The following KIAA1671 variants were observed in gnomAD, a reference collection of about 807,000 sequenced individuals.
The protein encoded by KIAA1671 is KIAA1671.
Under a neutral mutation model 131.2 loss-of-function variants are expected in KIAA1671, and 52 were observed. That is an observed-to-expected ratio of 0.40 (90% CI 0.32 to 0.50). The LOEUF (loss-of-function observed/expected upper bound fraction) is 0.50. KIAA1671 is among the 20% of genes least tolerant of loss of function. The pLI is 0.73. For synonymous variants in KIAA1671, 1,003 were observed against 961.6 expected, an observed-to-expected ratio of 1.04 and a Z score of -0.80; for missense variants, 2,360 against 2,364.2, an observed-to-expected ratio of 1.00 and a Z score of 0.04.
At chr22:24,964,447 G>C (rs778652396) in intron 1 of KIAA1671, among the ~76,000 whole-genome samples, 2 of 151,644 alleles carry the variant, frequency 1.3e-5, no homozygotes, top group African/African-American at 2.4e-5. Flanking sequence ...TGTTATTTTT[G>C]GTATTGTTCT....
At chr22:25,184,389 G>A (rs1378308893) in intron 10 of KIAA1671, among the ~76,000 whole-genome samples, 1 of 152,174 alleles carries the variant, frequency 6.6e-6, no homozygotes, top group Non-Finnish European at 1.5e-5. Context: ...AGCTATCAGT[G>A]GACAATGGTA....
intron 1 of KIAA1671, among the ~76,000 whole-genome samples, chr22:25,000,250 G>A (rs1480258305): frequency 3.1e-5 from 2 of 64,542 alleles, no homozygotes; most frequent in Non-Finnish European, 6.0e-5. Context: ...CTGGAGTGCA[G>A]TGGCGGGATC....
chr22:24,976,743 C>G (rs1047891635), intron 1 of KIAA1671, among the ~76,000 whole-genome samples: 5 of 152,144 alleles, frequency 3.3e-5, no homozygotes, highest in African/African-American at 1.2e-4. Flanking sequence ...GGACCTACCT[C>G]TGGCTGGGCC....
chr22:25,078,610 A>C (rs1004990865), intron 6 of KIAA1671, among the ~76,000 whole-genome samples: 7 of 152,156 alleles, frequency 4.6e-5, no homozygotes, highest in Non-Finnish European at 1.0e-4. Flanking sequence ...TTGTGGGGAC[A>C]AATGGCCTTA....
chr22:25,039,933 C>G lies in KIAA1671; in HGVS notation c.2803C>G (p.Arg935Gly), dbSNP rs931013212. 2 of 1,551,302 alleles carry G rather than the reference C, an allele frequency of 1.3e-6. No individual in the cohort carries two copies. Among genetic ancestry groups the G allele is most frequent in the Non-Finnish European group, 1.7e-6 (2 of 1,146,928 alleles). The change falls in exon 5 of 13, where the codon CGG (arginine) becomes GGG (glycine). Residue 935 changes from arginine (R) to glycine (G), a missense_variant. Coordinates refer to ENST00000358431, the MANE Select transcript of KIAA1671 (RefSeq NM_001145206.2). ...AQVPQPAVRM[R>G]KAGAMDQRMD... ...GGTGCCACAGCCTGCAGTCAGAATG[C>G]GGAAAGCCGGCGCCATGGACCAGAG...
Position 25,140,594 on chromosome 22 carries a change from A to C in KIAA1671, c.4531-30226A>C, listed in dbSNP as rs537644639. Among the ~76,000 whole-genome samples the C allele has an allele frequency of 2.6e-4, 39 of 152,168 alleles. 2 individuals are homozygous for C. In the South Asian group the frequency reaches 7.9e-3, roughly 31 times the overall value. On this transcript the variant is annotated intron_variant, in intron 6 of 12. Coordinates refer to ENST00000358431, the MANE Select transcript of KIAA1671 (RefSeq NM_001145206.2). Reference sequence around the variant, plus strand: ...ATGGGTTCTGCCTGCACCCAAGGGGAGGGGCTCACACAGGGCGTGAACACC... The same window carrying C: ...ATGGGTTCTGCCTGCACCCAAGGGGCGGGGCTCACACAGGGCGTGAACACC...
chr22:24,980,088 C>A (rs2123827922), intron 1 of KIAA1671, among the ~76,000 whole-genome samples: 1 of 152,040 alleles, frequency 6.6e-6, no homozygotes, highest in Admixed American at 6.5e-5. Context: ...CCTCAGCCTC[C>A]TGAATAGCTG....
At chr22:25,014,765 TG>T (rs1925217106) in intron 1 of KIAA1671, 1 of 152,146 alleles carries the variant, frequency 6.6e-6, no homozygotes, top group South Asian at 2.1e-4. Flanking sequence ...GTCGTTATCA[TG>T]TGGAACGCCT....
At chr22:25,130,894 A>G (rs1391205766) in intron 6 of KIAA1671, among the ~76,000 whole-genome samples, 5 of 152,130 alleles carry the variant, frequency 3.3e-5, no homozygotes, top group African/African-American at 1.2e-4. Context: ...CCAGGGCCCC[A>G]CCTCCCATAA....
intron 6 of KIAA1671, chr22:25,112,240 C>T: frequency 2.5e-6 from 1 of 399,004 alleles, no homozygotes; most frequent in African/African-American, 2.1e-5. Context: ...GGATGGGCAC[C>T]GTGAGGAGGT....
At position 24,967,027 on chromosome 22, in the gene KIAA1671, G is replaced by GTGC. The variant is rs568238615; in HGVS notation, c.-208+14258_-208+14260dup. ...CCTCCTGAGTTTTAGTCCAGCTTCT[G>GTGC]TGCTGTGTGTTCTTGAGTATACCCC... On this transcript the variant is annotated intron_variant, in intron 1 of 12. Coordinates refer to ENST00000358431, the MANE Select transcript of KIAA1671 (RefSeq NM_001145206.2). Among the ~76,000 whole-genome samples the GTGC allele has an allele frequency of 2.6e-5, 4 of 152,312 alleles. No individual in the cohort carries two copies. In the South Asian group the frequency reaches 8.3e-4, roughly 32 times the overall value.
At chr22:24,977,905 A>T (rs1039803565) in intron 1 of KIAA1671, among the ~76,000 whole-genome samples, 13 of 152,296 alleles carry the variant, frequency 8.5e-5, no homozygotes, top group African/African-American at 3.1e-4. Context: ...AAAACGCTAA[A>T]AATGTCCCTG....
intron 5 of KIAA1671, among the ~76,000 whole-genome samples, chr22:25,046,233 C>T (rs566733891): frequency 5.2e-4 from 79 of 151,982 alleles, no homozygotes; most frequent in African/African-American, 1.9e-3. Context: ...ACCCAGGAAG[C>T]GGAGATTGTA....
chr22:25,039,176 G>A lies in KIAA1671; in HGVS notation c.2046G>A (p.Glu682=). The change falls in exon 5 of 13, where the codon GAG becomes GAA. Residue 682 remains glutamate, a synonymous_variant. Coordinates refer to ENST00000358431, the MANE Select transcript of KIAA1671 (RefSeq NM_001145206.2). The part of the protein sequence containing the change: ...NSRGFDNPET[E]KLGPTTLLNG... ...GAGGGTTTGACAATCCCGAGACGGA[G>A]AAATTGGGACCAACCACCCTTTTGA... 2 of 1,551,960 alleles carry A rather than the reference G, an allele frequency of 1.3e-6. No homozygotes were observed. The highest frequency in any genetic ancestry group is 1.7e-6 in the Non-Finnish European group (2 of 1,147,096).
intron 6 of KIAA1671, among the ~76,000 whole-genome samples, chr22:25,155,664 A>G (rs1356748724): frequency 1.3e-5 from 2 of 151,670 alleles, no homozygotes; most frequent in African/African-American, 4.9e-5. Flanking sequence ...TGCATATGTA[A>G]GTATTGTGTA....
At chr22:25,112,058 C>T (rs1931388153) in intron 6 of KIAA1671, 1 of 397,324 alleles carries the variant, frequency 2.5e-6, no homozygotes, top group Non-Finnish European at 4.4e-6. Context: ...AATTTTTTTT[C>T]CTCCAAGCAA....
At position 25,039,841 on chromosome 22, in the gene KIAA1671, A is replaced by G. The variant is rs1926814636; in HGVS notation, c.2711A>G (p.Asp904Gly). The G allele has an allele frequency of 6.5e-7, 1 of 1,548,430 alleles. No homozygotes were observed. The highest frequency in any genetic ancestry group is 1.4e-5 in the African/African-American group (1 of 73,080). ...PSDSQARTHP[D>G]AFAVQKGPFI... is the part of the protein sequence containing the mutation. ...GACTCCCAAGCACGAACACATCCAG[A>G]TGCATTTGCTGTGCAGAAAGGGCCC... Residue 904 changes from aspartate to glycine, a missense_variant, in exon 5 of 13, where the codon GAT becomes GGT. Transcript: ENST00000358431.
chr22:24,953,608 G>A (rs945446290), intron 1 of KIAA1671, among the ~76,000 whole-genome samples: 8 of 152,098 alleles, frequency 5.3e-5, no homozygotes, highest in African/African-American at 9.6e-5. Context: ...CGGCCCACCC[G>A]GGCTCACGGG....
chr22:25,164,936 A>G, intron 6 of KIAA1671, among the ~76,000 whole-genome samples: 1 of 120,260 alleles, frequency 8.3e-6, no homozygotes, highest in African/African-American at 3.5e-5. Context: ...CAACAGAGTG[A>G]GACTGTCTCG....
Sources: gnomAD v4.1 joint callset for allele counts (sites outside exome capture counted in the v4.1 genomes callset) on GRCh38, gnomAD v4.1.1 for gene constraint, MANE v1.5 for transcripts, NCBI Gene and HGNC (gene_info 2026-07-23, HGNC 2026-07-21) for gene names.